KANK1: variants seen among roughly 807,000 people sequenced by gnomAD.
KANK1 encodes the protein KN motif and ankyrin repeat domain-containing protein 1.
In KANK1, 109 loss-of-function variants were observed where a neutral mutation model predicts 106.2. The ratio of observed to expected loss-of-function variants is 1.03; its 90% CI spans 0.88 to 1.20. KANK1 has a LOEUF of 1.20. KANK1 is among the 50% of genes most tolerant of loss of function. The probability of loss-of-function intolerance (pLI) is 0.00; values close to 1 mark genes in which losing one functional copy is unlikely to be tolerated. For synonymous variants in KANK1, 873 were observed against 652.2 expected (o/e 1.34, Z -5.16); for missense variants, 2,399 against 1,710.7 (o/e 1.40, Z -7.10).
At chr9:662,713 G>A (rs1290502446) in intron 1 of KANK1, among the ~76,000 whole-genome samples, 1 of 148,190 alleles carries the variant, frequency 6.7e-6, no homozygotes, top group Non-Finnish European at 1.5e-5. Context: ...CCAGGCTGGA[G>A]TGCAGTGGCG....
chr9:578,328 A>G (rs1254241189), intron 1 of KANK1, among the ~76,000 whole-genome samples: 1 of 127,496 alleles, frequency 7.8e-6, no homozygotes, highest in African/African-American at 3.5e-5. Context: ...TTATTTTTCA[A>G]CTGTGTGTGT....
chr9:510,546 A>G (rs7850663), intron 1 of KANK1, among the ~76,000 whole-genome samples: 21,141 of 152,134 alleles, frequency 0.14, 2,554 homozygotes, highest in African/African-American at 0.33. Context: ...GTCTCTAGAA[A>G]TTGGCTAGGG....
intron 5 of KANK1, chr9:731,731 C>T (rs1289402140): frequency 6.5e-6 from 1 of 153,572 alleles, no homozygotes; most frequent in Non-Finnish European, 1.4e-5. Context: ...AACCACATCA[C>T]CAGTTTGCTT....
chr9:490,639 G>C (rs1027174586), intron 3 of KANK1, among the ~76,000 whole-genome samples: 1 of 152,178 alleles, frequency 6.6e-6, no homozygotes. Flanking sequence ...TTTAAAAAGA[G>C]ATGGCTGGAA....
chr9:506,438 T>C (rs545818989), intron 1 of KANK1, among the ~76,000 whole-genome samples: 1 of 152,300 alleles, frequency 6.6e-6, no homozygotes, highest in Admixed American at 6.5e-5. Context: ...TTTATCCCCT[T>C]AGGGCACAGG....
At chr9:675,260 A>G (rs1474474776) in intron 1 of KANK1, among the ~76,000 whole-genome samples, 1 of 152,174 alleles carries the variant, frequency 6.6e-6, no homozygotes, top group East Asian at 1.9e-4. Context: ...CAATGGCTGC[A>G]TTAGAATTAG....
chr9:580,010 T>C (rs1164668860), intron 1 of KANK1, among the ~76,000 whole-genome samples: 1 of 152,168 alleles, frequency 6.6e-6, no homozygotes, highest in Non-Finnish European at 1.5e-5. Flanking sequence ...ACTTCAAGAA[T>C]GAAGCCACAG....
At chr9:499,894 T>C (rs1179713652), upstream of KANK1, among the ~76,000 whole-genome samples, 1 of 152,114 alleles carries the variant, frequency 6.6e-6, no homozygotes, top group Non-Finnish European at 1.5e-5. Flanking sequence ...TTTATGAAAA[T>C]GTGACAAGGA....
At chr9:514,015 T>G (rs1187975252) in intron 1 of KANK1, among the ~76,000 whole-genome samples, 1 of 135,026 alleles carries the variant, frequency 7.4e-6, no homozygotes. Context: ...AGACTCCGTC[T>G]CGAACAAAAG....
chr9:655,917 C>G (rs1345513386), intron 1 of KANK1, among the ~76,000 whole-genome samples: 1 of 152,138 alleles, frequency 6.6e-6, no homozygotes, highest in East Asian at 1.9e-4. Flanking sequence ...GGCCTTTCCC[C>G]TTTGTAACTG....
chr9:500,826 C>T (rs751988033), upstream of KANK1, among the ~76,000 whole-genome samples: 3 of 152,206 alleles, frequency 2.0e-5, no homozygotes, highest in African/African-American at 4.8e-5. Context: ...TGGACTTGCA[C>T]AGATGAGGCC....
At chr9:646,776 G>A (rs895656908) in intron 1 of KANK1, among the ~76,000 whole-genome samples, 1 of 148,884 alleles carries the variant, frequency 6.7e-6, no homozygotes, top group Non-Finnish European at 1.5e-5. Context: ...TGCAATCTCC[G>A]CCTCCCGGGT....
chr9:635,494 C>T (rs1336585458), intron 1 of KANK1, among the ~76,000 whole-genome samples: 2 of 151,664 alleles, frequency 1.3e-5, no homozygotes, highest in African/African-American at 2.4e-5. Context: ...AGACTAATAC[C>T]ACGCACAGAT....
intron 1 of KANK1, among the ~76,000 whole-genome samples, chr9:664,579 A>G (rs528884178): frequency 5.8e-4 from 89 of 152,222 alleles, no homozygotes; most frequent in African/African-American, 2.1e-3. Context: ...TCATCCATTG[A>G]TGGACACTTA....
chr9:732,686 A>T, intron 6 of KANK1, 69 bp downstream of exon 6: 1 of 1,534,082 alleles, frequency 6.5e-7, no homozygotes, highest in Non-Finnish European at 8.9e-7. Flanking sequence ...AGAGTTGGCC[A>T]GTTCAGAGCT....
chr9:635,694 C>CTTTTTTTTTTTTTTTTTTT (rs1162836319), intron 1 of KANK1, among the ~76,000 whole-genome samples: 1 of 103,374 alleles, frequency 9.7e-6, no homozygotes, highest in Non-Finnish European at 1.8e-5. Context: ...CCTTTTTATT[C>CTTTTTTTTTTTTTTTTTTT]TTTTTTTTTT....
chr9:688,294 T>A (rs1325431082), intron 2 of KANK1, among the ~76,000 whole-genome samples: 3 of 152,216 alleles, frequency 2.0e-5, no homozygotes, highest in Non-Finnish European at 2.9e-5. Context: ...CTCCCTCACT[T>A]GCTCTAAGGC....
At chr9:632,758 C>T (rs1288224021) in intron 1 of KANK1, among the ~76,000 whole-genome samples, 4 of 150,802 alleles carry the variant, frequency 2.7e-5, no homozygotes, top group South Asian at 2.1e-4. Context: ...GGTGAGATCT[C>T]GGCTCACTGC....
chr9:642,183 A>T lies in KANK1; in HGVS notation c.-83-34707A>T, dbSNP rs1838618024. 2.6e-5 allele frequency among the ~76,000 whole-genome samples: 4 copies of T among 151,458 alleles called. 1 individual carries two copies. The highest frequency in any genetic ancestry group is 2.0e-4 in the Admixed American group (3 of 15,264). On this transcript the variant is annotated intron_variant, in intron 1 of 11. Coordinates refer to ENST00000382297, the MANE Select transcript of KANK1 (RefSeq NM_015158.5). ...TGACACGGCAGATGCTGGGCTTTTT[A>T]ACCTCTTTCCTCATTGTGCTTCCTG...
Sources: allele counts gnomAD v4.1 joint callset (sites outside exome capture counted in the v4.1 genomes callset), GRCh38; gene constraint gnomAD v4.1.1; transcripts MANE v1.5; gene names NCBI Gene and HGNC (gene_info 2026-07-23, HGNC 2026-07-21).